The following PTPRD variants were observed in gnomAD, a reference collection of about 807,000 sequenced individuals.
The protein encoded by PTPRD is protein tyrosine phosphatase receptor type D, also known as receptor-type tyrosine-protein phosphatase delta.
A neutral mutation model predicts 214.5 loss-of-function variants in PTPRD; 34 were observed. That is an observed-to-expected ratio of 0.16 (90% CI 0.12 to 0.21). The LOEUF (loss-of-function observed/expected upper bound fraction) is 0.21, where lower values mean the gene tolerates loss of function less well. Ranked by LOEUF, PTPRD falls within the 10% of genes least tolerant of loss-of-function variation. The pLI, the probability that PTPRD is intolerant of heterozygous loss-of-function variation, is 1.00. For missense variants in PTPRD, 2,545 were observed against 2,398.7 expected, an observed-to-expected ratio of 1.06 and a Z score of -1.27; for synonymous variants, 1,128 against 845.7, an observed-to-expected ratio of 1.33 and a Z score of -5.79.
intron 5 of PTPRD, among the ~76,000 whole-genome samples, chr9:9,925,722 A>T (rs1353312377): frequency 2.0e-5 from 3 of 152,066 alleles, no homozygotes; most frequent in Non-Finnish European, 4.4e-5. Flanking sequence ...GTGTCTCAAA[A>T]AATTTTCTTC....
intron 8 of PTPRD, among the ~76,000 whole-genome samples, chr9:9,562,762 C>T (rs1171130353): frequency 6.6e-6 from 1 of 152,086 alleles, no homozygotes; most frequent in African/African-American, 2.4e-5. Context: ...AATTATATTT[C>T]TACCCACCCC....
chr9:8,832,847 T>A (rs2097326737), intron 11 of PTPRD, among the ~76,000 whole-genome samples: 1 of 152,058 alleles, frequency 6.6e-6, no homozygotes, highest in South Asian at 2.1e-4. Context: ...AGGCTTCATT[T>A]TTTCATAAAC....
intron 2 of PTPRD, among the ~76,000 whole-genome samples, chr9:10,479,610 A>C (rs1254799145): frequency 8.4e-6 from 1 of 118,712 alleles, no homozygotes. Flanking sequence ...GTGAAACCCC[A>C]TCTCTAAAAA....
chr9:9,559,994 T>C (rs145923576), intron 8 of PTPRD, among the ~76,000 whole-genome samples: 150 of 152,354 alleles, frequency 9.8e-4, no homozygotes, highest in African/African-American at 3.5e-3. Flanking sequence ...CAAGTCCACA[T>C]GTGGCTCCGG....
At chr9:10,080,836 A>T (rs1203585878) in intron 3 of PTPRD, among the ~76,000 whole-genome samples, 2 of 152,118 alleles carry the variant, frequency 1.3e-5, no homozygotes, top group Non-Finnish European at 2.9e-5. Context: ...GGCAAGCTAG[A>T]CATACTGAGA....
chr9:10,528,905 A>G (rs1308015952), intron 2 of PTPRD, among the ~76,000 whole-genome samples: 1 of 152,182 alleles, frequency 6.6e-6, no homozygotes, highest in African/African-American at 2.4e-5. Flanking sequence ...TTATATCTAT[A>G]TATGTTTGTG....
chr9:9,268,184 G>C (rs1941017035), intron 9 of PTPRD, among the ~76,000 whole-genome samples: 1 of 151,048 alleles, frequency 6.6e-6, no homozygotes, highest in South Asian at 2.1e-4. Context: ...TAAAAAATCA[G>C]CACGAAAAAG....
chr9:9,131,445 T>G (rs1019877489), intron 10 of PTPRD, among the ~76,000 whole-genome samples: 2 of 152,130 alleles, frequency 1.3e-5, no homozygotes, highest in Non-Finnish European at 2.9e-5. Context: ...AATAGCGGAG[T>G]TCAAATAATA....
chr9:8,512,738 T>C (rs529360293), intron 21 of PTPRD, among the ~76,000 whole-genome samples: 2 of 152,130 alleles, frequency 1.3e-5, no homozygotes, highest in African/African-American at 2.4e-5. Flanking sequence ...TTCAAGAATC[T>C]ATTAAATGAA....
At chr9:8,944,199 A>G (rs2154297170) in intron 11 of PTPRD, among the ~76,000 whole-genome samples, 1 of 152,278 alleles carries the variant, frequency 6.6e-6, no homozygotes, top group East Asian at 1.9e-4. Flanking sequence ...CACTACAATG[A>G]GATATCATCT....
At chr9:10,072,847 C>A (rs971790372) in intron 3 of PTPRD, among the ~76,000 whole-genome samples, 5 of 152,070 alleles carry the variant, frequency 3.3e-5, no homozygotes, top group Non-Finnish European at 5.9e-5. Context: ...TAGTTATTTA[C>A]TAAACTGATT....
intron 14 of PTPRD, among the ~76,000 whole-genome samples, chr9:8,592,361 G>T (rs1056136056): frequency 1.3e-5 from 2 of 152,110 alleles, no homozygotes; most frequent in Admixed American, 1.3e-4. Flanking sequence ...TAAGCACCTG[G>T]TGTGTCAGTG....
intron 5 of PTPRD, among the ~76,000 whole-genome samples, chr9:9,865,680 A>T (rs937124881): frequency 2.6e-5 from 4 of 152,226 alleles, no homozygotes; most frequent in African/African-American, 9.6e-5. Context: ...TGTAATTACC[A>T]TCAAGATCAT....
intron 3 of PTPRD, among the ~76,000 whole-genome samples, chr9:10,236,934 G>T (rs949859575): frequency 1.3e-5 from 2 of 151,716 alleles, no homozygotes; most frequent in Non-Finnish European, 2.9e-5. Flanking sequence ...TGGTGGGGGG[G>T]CTGAAAAGAT....
intron 4 of PTPRD, among the ~76,000 whole-genome samples, chr9:9,983,515 AAAG>A (rs2095611554): frequency 1.3e-5 from 2 of 152,236 alleles, no homozygotes; most frequent in Non-Finnish European, 1.5e-5. Flanking sequence ...AAATACAGGC[AAAG>A]CACTTAGTAC....
rs149261535 is a variant in PTPRD, at chr9:10,509,194, C to T, written c.-600+103204G>A. Among the ~76,000 whole-genome samples, 645 of 152,098 alleles carry T rather than the reference C, an allele frequency of 4.2e-3. 4 individuals are homozygous for T. The highest frequency in any genetic ancestry group is 0.015 in the African/African-American group (620 of 41,490). ...ATCCATAGGAGGAATTTGCCTGCAA[C>T]TCCATATTAAAAATCATTGCAGGAT... On this transcript the variant is annotated intron_variant, in intron 2 of 45. Coordinates refer to ENST00000381196, the MANE Select transcript of PTPRD (RefSeq NM_002839.4).
rs557333278 is a variant in PTPRD, at chr9:8,497,253, T to C, written c.2338A>G (p.Thr780Ala). 2 of 1,595,168 alleles carry C rather than the reference T, an allele frequency of 1.3e-6. No homozygotes were observed. The highest frequency in any genetic ancestry group is 2.3e-5 in the South Asian group (2 of 86,272). The change falls in exon 26 of 46, where the codon ACT (threonine) becomes GCT (alanine). Residue 780 changes from threonine (T) to alanine (A), a missense_variant. Physicochemically the swap from Thr to Ala is moderately conservative, Grantham distance 58 (BLOSUM62 0). Transcript: ENST00000381196. ...CAAAAATTACTCACATGTTCAGTAG[T>C]ATCATCAAATTCCCACTGATTGAGA... Reference protein sequence around the residue: ...LADAQWEFDDTTEHDMIISGL... With the variant: ...LADAQWEFDDATEHDMIISGL...
chr9:8,793,928 C>T (rs556416604), intron 11 of PTPRD, among the ~76,000 whole-genome samples: 1 of 152,272 alleles, frequency 6.6e-6, no homozygotes, highest in Non-Finnish European at 1.5e-5. Flanking sequence ...GCTGGATTAA[C>T]TTTTACCCAA....
At chr9:10,020,475 G>T (rs1286680513) in intron 4 of PTPRD, among the ~76,000 whole-genome samples, 1 of 124,692 alleles carries the variant, frequency 8.0e-6, no homozygotes, top group Non-Finnish European at 1.7e-5. Flanking sequence ...GCTAATTTTT[G>T]TTTTTTTAGT....
Sources: gnomAD v4.1 joint callset for allele counts (sites outside exome capture counted in the v4.1 genomes callset) on GRCh38, gnomAD v4.1.1 for gene constraint, MANE v1.5 for transcripts, NCBI Gene and HGNC (gene_info 2026-07-23, HGNC 2026-07-21) for gene names.